The following ZNF385D variants were observed in gnomAD, a reference collection of about 807,000 sequenced individuals.
ZNF385D encodes the protein zinc finger protein 659.
ZNF385D carries 15 observed loss-of-function variants against 35.8 expected under a neutral mutation model. That is an observed-to-expected ratio of 0.42 (90% CI 0.28 to 0.64). ZNF385D has a LOEUF of 0.64. ZNF385D is among the 30% of genes least tolerant of loss of function. ZNF385D has a pLI of 0.23. For missense variants in ZNF385D, 474 were observed against 494.6 expected (o/e 0.96, Z 0.39); for synonymous variants, 212 against 186.8 (o/e 1.13, Z -1.10).
At chr3:21,901,072 T>C (rs1193944021) in intron 3 of ZNF385D, among the ~76,000 whole-genome samples, 1 of 152,184 alleles carries the variant, frequency 6.6e-6, no homozygotes, top group Non-Finnish European at 1.5e-5. Context: ...ATGAGCAACA[T>C]TTATTGAGTA....
intron 2 of ZNF385D, among the ~76,000 whole-genome samples, chr3:22,249,389 G>A (rs989745052): frequency 4.6e-5 from 7 of 152,064 alleles, no homozygotes; most frequent in Admixed American, 6.6e-5. Flanking sequence ...TCAGAAACTC[G>A]GAAGAAATGT....
rs192296567 is a variant in ZNF385D, at chr3:22,161,398, T to C, written c.325+7419A>G. 4.9e-3 allele frequency among the ~76,000 whole-genome samples: 739 copies of C among 152,194 alleles called. 5 individuals are homozygous for C. Among genetic ancestry groups the C allele is most frequent in the African/African-American group, 0.015 (639 of 41,550 alleles). On this transcript the variant is annotated intron_variant, in intron 3 of 5. Transcript: ENST00000494108. ...ATGCAGTATATATTAAACCATTTTA[T>C]AACAGCAGAAAAATAATCTTTATTT...
Position 22,132,375 on chromosome 3 carries a change from T to C in ZNF385D, c.325+36442A>G, listed in dbSNP as rs143168126. The stretch of plus-strand genomic sequence containing the variant: ...TTTTGGACTTCCCAGCCTTCAGAAC[T>C]GAGATAAATACATTTCTGCTATTTA... On this transcript the variant is annotated intron_variant, in intron 3 of 5. Transcript: ENST00000494108. Among the ~76,000 whole-genome samples the C allele has an allele frequency of 1.4e-3, 214 of 152,296 alleles. 2 individuals carry two copies. The highest frequency in any genetic ancestry group is 4.7e-3 in the African/African-American group (196 of 41,584).
intron 3 of ZNF385D, among the ~76,000 whole-genome samples, chr3:22,113,911 C>G (rs755447894): frequency 2.2e-4 from 34 of 151,970 alleles, no homozygotes; most frequent in Non-Finnish European, 3.5e-4. Flanking sequence ...ATAGAAAGGT[C>G]TAAATAAAAA....
intron 3 of ZNF385D, among the ~76,000 whole-genome samples, chr3:22,053,146 G>T (rs1475630616): frequency 1.2e-5 from 1 of 86,254 alleles, no homozygotes. Flanking sequence ...CTAGCAATCA[G>T]CGAGATTCCG....
In ZNF385D at chr3:22,235,642, G is replaced by A. The variant is rs545642774; in HGVS notation, c.107-66607C>T. 4.0e-5 allele frequency among the ~76,000 whole-genome samples: 6 copies of A among 151,842 alleles called. No individual in the cohort carries two copies. In the South Asian group the frequency reaches 1.2e-3, roughly 32 times the overall value. On this transcript the variant is annotated intron_variant, in intron 2 of 5. Coordinates refer to the ZNF385D transcript ENST00000494108. ...TCTGTGCAGAGAATTTCTTTAAAAA[G>A]GAAAAACAAACATAAAAATATGCTC...
chr3:21,731,497 A>T (rs1372004321), intron 1 of ZNF385D, among the ~76,000 whole-genome samples: 1 of 152,136 alleles, frequency 6.6e-6, no homozygotes, highest in Non-Finnish European at 1.5e-5. Context: ...ACCTACATTA[A>T]CATGTCATAA....
At chr3:22,228,968 T>C (rs1210886930) in intron 2 of ZNF385D, among the ~76,000 whole-genome samples, 2 of 152,236 alleles carry the variant, frequency 1.3e-5, no homozygotes, top group Non-Finnish European at 2.9e-5. Flanking sequence ...TGCTGCACTG[T>C]TCTCCTTTGT....
At chr3:22,117,634 T>C (rs1702880580) in intron 3 of ZNF385D, among the ~76,000 whole-genome samples, 1 of 152,042 alleles carries the variant, frequency 6.6e-6, no homozygotes, top group African/African-American at 2.4e-5. Context: ...AAATTGAATA[T>C]TTTAGATATT....
chr3:22,013,198 A>C (rs954472046), intron 3 of ZNF385D, among the ~76,000 whole-genome samples: 1 of 152,154 alleles, frequency 6.6e-6, no homozygotes, highest in Non-Finnish European at 1.5e-5. Context: ...TGTTGGCTTC[A>C]AGATACATAA....
chr3:21,825,921 G>A (rs557264943), intron 3 of ZNF385D, among the ~76,000 whole-genome samples: 38 of 152,264 alleles, frequency 2.5e-4, no homozygotes, highest in African/African-American at 8.7e-4. Flanking sequence ...GCATTAGATT[G>A]TTTTAGGAGC....
chr3:22,264,618 A>G (rs1200357399), intron 2 of ZNF385D, among the ~76,000 whole-genome samples: 1 of 151,974 alleles, frequency 6.6e-6, no homozygotes, highest in Non-Finnish European at 1.5e-5. Context: ...ATATGCGGTG[A>G]AATATTAATA....
chr3:22,038,577 A>C (rs1442514694), intron 3 of ZNF385D, among the ~76,000 whole-genome samples: 1 of 152,186 alleles, frequency 6.6e-6, no homozygotes, highest in Non-Finnish European at 1.5e-5. Context: ...TATTCTACTA[A>C]AAGCACAGTT....
chr3:21,835,281 AAAAT>A (rs1181660095), intron 3 of ZNF385D, among the ~76,000 whole-genome samples: 2 of 152,102 alleles, frequency 1.3e-5, no homozygotes, highest in African/African-American at 2.4e-5. Flanking sequence ...AAAAGCAGCA[AAAAT>A]AAATATAGTT....
rs142318163 is a variant in ZNF385D, at chr3:21,861,371, G to A, written c.326-196343C>T. On this transcript the variant is annotated intron_variant, in intron 3 of 5. Coordinates refer to the ZNF385D transcript ENST00000494108. ...GGCATCCATTGTTGCTCATAAACATGCATTTATCTAATTGCCTTCACTCAT... is the reference window on the plus strand; with the variant it reads ...GGCATCCATTGTTGCTCATAAACATACATTTATCTAATTGCCTTCACTCAT... Among the ~76,000 whole-genome samples, 272 of 152,250 alleles carry A rather than the reference G, an allele frequency of 1.8e-3. 5 individuals are homozygous for A. The highest frequency in any genetic ancestry group is 6.3e-3 in the African/African-American group (263 of 41,570).
At chr3:21,932,046 G>A (rs1220312091) in intron 3 of ZNF385D, among the ~76,000 whole-genome samples, 1 of 151,380 alleles carries the variant, frequency 6.6e-6, no homozygotes, top group African/African-American at 2.4e-5. Flanking sequence ...GGGCACCTGT[G>A]GTCCCAGCTA....
In ZNF385D at chr3:22,217,624, T is replaced by G. The variant is rs554131677; in HGVS notation, c.107-48589A>C. 3.9e-5 allele frequency among the ~76,000 whole-genome samples: 6 copies of G among 152,294 alleles called. No individual in the cohort carries two copies. The South Asian group carries it at 1.2e-3, about 32-fold the overall frequency. On this transcript the variant is annotated intron_variant, in intron 2 of 5. Transcript: ENST00000494108. ...TAAATTACACTTATTTGTAGATATTTTGTGTTAAAAGATTTGTAAAAATCA... is the reference window on the plus strand; with the variant it reads ...TAAATTACACTTATTTGTAGATATTGTGTGTTAAAAGATTTGTAAAAATCA...
At chr3:22,316,741 C>G (rs965061201) in intron 2 of ZNF385D, among the ~76,000 whole-genome samples, 8 of 152,112 alleles carry the variant, frequency 5.3e-5, no homozygotes, top group African/African-American at 1.9e-4. Context: ...AATGTTTTGT[C>G]TACACAGCTA....
At chr3:22,261,580 T>C (rs1351980463) in intron 2 of ZNF385D, among the ~76,000 whole-genome samples, 1 of 151,996 alleles carries the variant, frequency 6.6e-6, no homozygotes, top group Admixed American at 6.6e-5. Flanking sequence ...CCTGGAAACC[T>C]AGCCTTATGG....
Sources: allele counts gnomAD v4.1 joint callset (sites outside exome capture counted in the v4.1 genomes callset), GRCh38; gene constraint gnomAD v4.1.1; transcripts MANE v1.5; gene names NCBI Gene and HGNC (gene_info 2026-07-23, HGNC 2026-07-21).